The following ZNF189 variants were observed in gnomAD, a reference collection of about 807,000 sequenced individuals.
ZNF189 encodes the protein zinc finger protein 189.
ZNF189 carries 33 observed loss-of-function variants against 53.5 expected under a neutral mutation model. That is an observed-to-expected ratio of 0.62 (90% confidence interval 0.47 to 0.82). The LOEUF is 0.82. Ranked by LOEUF, ZNF189 falls within the 40% of genes least tolerant of loss-of-function variation. ZNF189 has a pLI of 0.00. For synonymous variants in ZNF189, 247 were observed against 238.8 expected, an observed-to-expected ratio of 1.03 and a Z score of -0.32; for missense variants, 711 against 753.9, an observed-to-expected ratio of 0.94 and a Z score of 0.67.
chr9:101,398,910 G>A lies in ZNF189; in HGVS notation c.-247G>A. 1.7e-6 allele frequency: 1 copy of A among 602,344 alleles called. No homozygotes were observed. The allele number at this position is 602,344 out of a possible 1,614,324, so 37.3% of individuals were successfully genotyped here. A position where few individuals can be genotyped will look rare whatever the true frequency, so the allele number is the denominator to read the frequency against. ...CTGGCAGCGGGGAGGAGGCTCTAGC[G>A]AGGCCTGAAAGGCTGCGTAACCAGG... On this transcript the variant is annotated 5_prime_UTR_variant, in exon 1 of 3. Coordinates refer to ENST00000339664, the MANE Select transcript of ZNF189 (RefSeq NM_003452.4).
Position 101,408,475 on chromosome 9 carries a change from A to G in ZNF189, c.707A>G (p.Gln236Arg). Reference sequence around the variant, plus strand: ...GGAGAAAGACCCTATCAGTGTAATCAGTGTAAACAGAGCTTCAGCCAGAGA... The same window carrying G: ...GGAGAAAGACCCTATCAGTGTAATCGGTGTAAACAGAGCTTCAGCCAGAGA... ...HTGERPYQCN[Q>R]CKQSFSQRRS... is the part of the protein sequence containing the mutation. Residue 236 changes from glutamine (Q) to arginine (R), a missense_variant, in exon 3 of 3, where the codon CAG (glutamine) becomes CGG (arginine). By Grantham distance (43) the Gln-to-Arg change is conservative (BLOSUM62 1). Coordinates refer to ENST00000339664, the MANE Select transcript of ZNF189 (RefSeq NM_003452.4). 1.2e-6 allele frequency: 2 copies of G among 1,614,188 alleles called. No individual in the cohort carries two copies. Among genetic ancestry groups the G allele is most frequent in the Non-Finnish European group, 1.7e-6 (2 of 1,180,032 alleles).
At chr9:101,407,175 A>T (rs1177330414) in intron 2 of ZNF189, among the ~76,000 whole-genome samples, 1 of 152,034 alleles carries the variant, frequency 6.6e-6, no homozygotes, top group Non-Finnish European at 1.5e-5. Flanking sequence ...TTTTTACTTA[A>T]TATTTTCTTT....
rs956403769 is a variant in ZNF189, at chr9:101,399,935, G to T, written c.85G>T (p.Asp29Tyr). The part of the protein sequence containing the change: ...VAVFFTQEEW[D>Y]YLDPAQRSLY... ...TGTGTTTTTTACCCAGGAGGAGTGGGATTATCTGGACCCAGCTCAGAGAAG... is the reference window on the plus strand; with the variant it reads ...TGTGTTTTTTACCCAGGAGGAGTGGTATTATCTGGACCCAGCTCAGAGAAG... Residue 29 changes from aspartate to tyrosine, a missense_variant, in exon 2 of 3, where the codon GAT (aspartate) becomes TAT (tyrosine). Asp to Tyr is a radical substitution (Grantham distance 160). Transcript: ENST00000339664. 6.2e-6 allele frequency: 10 copies of T among 1,614,034 alleles called. No individual in the cohort carries two copies. The highest frequency in any genetic ancestry group is 8.5e-6 in the Non-Finnish European group (10 of 1,180,028).
intron 1 of ZNF189, chr9:101,399,537 G>A: frequency 7.8e-7 from 1 of 1,279,584 alleles, no homozygotes; most frequent in Non-Finnish European, 9.9e-7. Context: ...CAAGGTACAC[G>A]CTTAGAGAAC....
chr9:101,400,015 G>A lies in ZNF189; in HGVS notation c.160+5G>A, dbSNP rs562548201. On this transcript the variant is annotated splice_donor_5th_base_variant and intron_variant, in intron 2 of 2. Transcript: ENST00000339664. ...ATGGAAACCTGGTCTCACTGGGTAA[G>A]AATCTGCTGTTTCTCTAATTAAAAT... 6.2e-6 allele frequency: 10 copies of A among 1,611,842 alleles called. No individual in the cohort carries two copies. Among genetic ancestry groups the A allele is most frequent in the Non-Finnish European group, 8.5e-6 (10 of 1,179,470 alleles).
Position 101,409,447 on chromosome 9 carries a change from G to A in ZNF189, c.1679G>A (p.Arg560Lys), listed in dbSNP as rs1336285928. Residue 560 changes from arginine (R) to lysine (K), a missense_variant, in exon 3 of 3, where the codon AGA becomes AAA. Coordinates refer to ENST00000339664, the MANE Select transcript of ZNF189 (RefSeq NM_003452.4). ...SRNSGLIQHQ[R>K]IHTGEKPYKC... ...AACTCGGGTCTTATTCAGCATCAGA[G>A]AATACACACAGGAGAGAAACCTTAT... 9.3e-6 allele frequency: 15 copies of A among 1,614,160 alleles called. No homozygotes were observed. In the South Asian group the frequency reaches 1.5e-4, roughly 17 times the overall value.
In ZNF189 at chr9:101,409,332, A is replaced by G. The variant is rs138924117; in HGVS notation, c.1564A>G (p.Ser522Gly). ...YLCRQCGKSF[S>G]QLCNLIRHQG... is the part of the protein sequence containing the mutation. ...GTGCAGACAGTGTGGAAAAAGCTTTAGTCAGCTTTGTAATCTTATTCGACA... is the reference window on the plus strand; with the variant it reads ...GTGCAGACAGTGTGGAAAAAGCTTTGGTCAGCTTTGTAATCTTATTCGACA... The change falls in exon 3 of 3, where the codon AGT becomes GGT. Residue 522 changes from serine (S) to glycine (G), a missense_variant. By Grantham distance (56) the Ser-to-Gly change is moderately conservative. Coordinates refer to ENST00000339664, the MANE Select transcript of ZNF189 (RefSeq NM_003452.4). 39 of 1,614,072 alleles carry G rather than the reference A, an allele frequency of 2.4e-5. No homozygotes were observed. Among genetic ancestry groups the G allele is most frequent in the Non-Finnish European group, 3.3e-5 (39 of 1,180,032 alleles).
intron 2 of ZNF189, among the ~76,000 whole-genome samples, chr9:101,402,143 C>T (rs561121953): frequency 1.3e-4 from 20 of 152,220 alleles, no homozygotes; most frequent in African/African-American, 3.9e-4. Flanking sequence ...CTCGAACTCC[C>T]GATCTCAGGT....
rs1044163083 is a variant in ZNF189, at chr9:101,399,085, C to T, written c.-72C>T. 12 of 1,054,106 alleles carry T rather than the reference C, an allele frequency of 1.1e-5. No individual in the cohort carries two copies. The highest frequency in any genetic ancestry group is 1.6e-5 in the African/African-American group (1 of 64,334). The allele number at this position is 1,054,106 out of a possible 1,614,324, so 65.3% of individuals were successfully genotyped here. ...TTCGTCGAGCCTAATTTCCAGCAGCCGGGTAGGCCTCACCAGAGGCTCCTT... is the reference window on the plus strand; with the variant it reads ...TTCGTCGAGCCTAATTTCCAGCAGCTGGGTAGGCCTCACCAGAGGCTCCTT... On this transcript the variant is annotated 5_prime_UTR_variant, in exon 1 of 3. Coordinates refer to ENST00000339664, the MANE Select transcript of ZNF189 (RefSeq NM_003452.4).
chr9:101,407,963 T>G lies in ZNF189; in HGVS notation c.195T>G (p.Thr65=). The G allele has an allele frequency of 6.3e-7, 1 of 1,594,540 alleles. No homozygotes were observed. Among genetic ancestry groups the G allele is most frequent in the Non-Finnish European group, 8.5e-7 (1 of 1,172,726 alleles). The change falls in exon 3 of 3, where the codon ACT becomes ACG. Residue 65 remains threonine (T), a synonymous_variant. Transcript: ENST00000339664. ...VLNRDKDEEP[T]VKQEIEEIEE... ...ACAGAGATAAGGATGAGGAGCCAAC[T>G]GTAAAACAAGAGATTGAAGAAATTG...
At chr9:101,401,877 C>T (rs942316988) in intron 2 of ZNF189, among the ~76,000 whole-genome samples, 8 of 152,038 alleles carry the variant, frequency 5.3e-5, no homozygotes, top group African/African-American at 1.9e-4. Context: ...GGGGACCTTA[C>T]CTACACTCAG....
chr9:101,408,690 A>C lies in ZNF189; in HGVS notation c.922A>C (p.Arg308=). 3 of 1,614,232 alleles carry C rather than the reference A, an allele frequency of 1.9e-6. No individual in the cohort carries two copies. In the Middle Eastern group the frequency reaches 4.9e-4, roughly 266 times the overall value. Reference sequence around the variant, plus strand: ...AAATTCATTGCTTGTTGAGCATCAAAGAATTCACACTGGGGAAAGACCCCA... The same window carrying C: ...AAATTCATTGCTTGTTGAGCATCAACGAATTCACACTGGGGAAAGACCCCA... ...SRNSLLVEHQ[R]IHTGERPHKC... is the part of the protein sequence containing the mutation. The change falls in exon 3 of 3, where the codon AGA becomes CGA. Residue 308 remains arginine (R), a synonymous_variant. Transcript: ENST00000339664.
At position 101,410,595 on chromosome 9, in the gene ZNF189, A is replaced by G. The variant is rs897228854; in HGVS notation, c.*946A>G. ...CTTGTTCTAGGGCTTCCCTTAGTTA[A>G]TGGTTATTATAAACCTATTAATTCA... On this transcript the variant is annotated 3_prime_UTR_variant, in exon 3 of 3. Coordinates refer to ENST00000339664, the MANE Select transcript of ZNF189 (RefSeq NM_003452.4). 6.6e-6 allele frequency: 1 copy of G among 152,238 alleles called. No individual in the cohort carries two copies. The highest frequency in any genetic ancestry group is 1.5e-5 in the Non-Finnish European group (1 of 68,044). 9.4% of individuals were successfully genotyped at this position (152,238 alleles called of 1,614,324 possible). A position where few individuals can be genotyped will look rare whatever the true frequency, so the allele number is the denominator to read the frequency against.
Position 101,409,306 on chromosome 9 carries a change from T to C in ZNF189, c.1538T>C (p.Leu513Pro), listed in dbSNP as rs774382336. 1 of 1,614,048 alleles carries C rather than the reference T, an allele frequency of 6.2e-7. No homozygotes were observed. Among genetic ancestry groups the C allele is most frequent in the Admixed American group, 1.7e-5 (1 of 60,004 alleles). Residue 513 changes from leucine (L) to proline (P), a missense_variant, in exon 3 of 3, where the codon CTG becomes CCG. Physicochemically the swap from Leu to Pro is moderately conservative, Grantham distance 98. Coordinates refer to ENST00000339664, the MANE Select transcript of ZNF189 (RefSeq NM_003452.4). Reference protein sequence around the residue: ...QRIHTGERPYLCRQCGKSFSQ... With the variant: ...QRIHTGERPYPCRQCGKSFSQ... Reference sequence around the variant, plus strand: ...ATCCACACTGGTGAGAGACCCTATCTGTGCAGACAGTGTGGAAAAAGCTTT... The same window carrying C: ...ATCCACACTGGTGAGAGACCCTATCCGTGCAGACAGTGTGGAAAAAGCTTT...
At chr9:101,406,175 A>C (rs1300983285) in intron 2 of ZNF189, among the ~76,000 whole-genome samples, 1 of 152,202 alleles carries the variant, frequency 6.6e-6, no homozygotes, top group Non-Finnish European at 1.5e-5. Flanking sequence ...AATAGATTGA[A>C]TAGGAAGAGG....
chr9:101,400,839 C>T (rs1288999611), intron 2 of ZNF189, among the ~76,000 whole-genome samples: 17 of 152,198 alleles, frequency 1.1e-4, no homozygotes, highest in Non-Finnish European at 2.4e-4. Flanking sequence ...TTGACTGTGA[C>T]TAGACGAGGG....
chr9:101,399,239 C>T, intron 1 of ZNF189, 50 bp downstream of exon 1: 1 of 1,511,728 alleles, frequency 6.6e-7, no homozygotes, highest in Middle Eastern at 1.7e-4. Flanking sequence ...GCTACCCCAG[C>T]TAGGCCGCAC....
intron 2 of ZNF189, among the ~76,000 whole-genome samples, chr9:101,404,901 TAAAA>T (rs536754177): frequency 6.6e-6 from 1 of 152,096 alleles, no homozygotes; most frequent in Non-Finnish European, 1.5e-5. Context: ...GGGCTGGTAA[TAAAA>T]AAATAGAACA....
intron 2 of ZNF189, among the ~76,000 whole-genome samples, chr9:101,403,989 G>T (rs915992054): frequency 2.0e-5 from 3 of 152,128 alleles, no homozygotes; most frequent in African/African-American, 7.2e-5. Flanking sequence ...TACAATTCTA[G>T]CTACCTTCCG....
Sources: gnomAD v4.1 joint callset for allele counts (sites outside exome capture counted in the v4.1 genomes callset) on GRCh38, gnomAD v4.1.1 for gene constraint, MANE v1.5 for transcripts, NCBI Gene and HGNC (gene_info 2026-07-23, HGNC 2026-07-21) for gene names.